The following NCAM2 variants were observed in gnomAD, a reference collection of about 807,000 sequenced individuals.
The protein encoded by NCAM2 is neural cell adhesion molecule 2.
NCAM2 carries 30 observed loss-of-function variants against 98.1 expected under a neutral mutation model. That is an observed-to-expected ratio of 0.31 (90% confidence interval 0.23 to 0.41). The LOEUF (loss-of-function observed/expected upper bound fraction) is 0.41. NCAM2 is among the 10% of genes least tolerant of loss of function. NCAM2 has a pLI of 1.00. For missense variants in NCAM2, 867 were observed against 1,005.8 expected, an observed-to-expected ratio of 0.86 and a Z score of 1.87; for synonymous variants, 368 against 342.4, an observed-to-expected ratio of 1.07 and a Z score of -0.83.
Position 21,468,792 on chromosome 21 carries a change from C to T in NCAM2, c.1896+9C>T. On this transcript the variant is annotated intron_variant, in intron 14 of 17. Transcript: ENST00000400546. ...TTGTGAAATATAGAAGTGTAAGTAC[C>T]TTGTTTATTGTCATATCATGCTAGG... 6.2e-7 allele frequency: 1 copy of T among 1,606,504 alleles called. No homozygotes were observed. Among genetic ancestry groups the T allele is most frequent in the Non-Finnish European group, 8.5e-7 (1 of 1,175,464 alleles).
At chr21:21,347,656 G>T (rs192751308) in intron 8 of NCAM2, among the ~76,000 whole-genome samples, 1 of 151,898 alleles carries the variant, frequency 6.6e-6, no homozygotes, top group Non-Finnish European at 1.5e-5. Flanking sequence ...CATTCTACAA[G>T]GCCAGTATTA....
chr21:21,343,350 T>TACACACACACAC (rs1254922171), intron 8 of NCAM2, among the ~76,000 whole-genome samples: 3 of 78,146 alleles, frequency 3.8e-5, no homozygotes, highest in East Asian at 4.0e-4. Flanking sequence ...AACAACTATC[T>TACACACACACAC]ATACACATAC....
intron 1 of NCAM2, among the ~76,000 whole-genome samples, chr21:21,182,223 T>C (rs540336295): frequency 4.6e-5 from 7 of 152,242 alleles, no homozygotes; most frequent in African/African-American, 1.4e-4. Flanking sequence ...GATATAAACC[T>C]TCCCATGTTG....
At chr21:21,133,516 G>A (rs1413346865) in intron 1 of NCAM2, among the ~76,000 whole-genome samples, 1 of 152,136 alleles carries the variant, frequency 6.6e-6, no homozygotes, top group Non-Finnish European at 1.5e-5. Context: ...AGTACCAAAT[G>A]GGAAAAGACC....
intron 9 of NCAM2, among the ~76,000 whole-genome samples, chr21:21,380,616 C>G (rs1002754678): frequency 3.3e-5 from 5 of 151,892 alleles, no homozygotes; most frequent in African/African-American, 1.2e-4. Context: ...TCATGGATTC[C>G]TTCCTTTCTC....
intron 12 of NCAM2, among the ~76,000 whole-genome samples, chr21:21,454,791 C>T (rs893381340): frequency 8.6e-5 from 13 of 151,944 alleles, no homozygotes; most frequent in African/African-American, 3.1e-4. Context: ...TTTTAAAAAA[C>T]CAGGGCTTTA....
intron 15 of NCAM2, among the ~76,000 whole-genome samples, chr21:21,504,003 TTAAA>T (rs1223328302): frequency 1.3e-5 from 2 of 151,964 alleles, no homozygotes; most frequent in Non-Finnish European, 2.9e-5. Flanking sequence ...TAAATAGTTG[TTAAA>T]TAGTTGTACC....
chr21:21,403,647 T>A (rs1201346694), intron 9 of NCAM2, among the ~76,000 whole-genome samples: 1 of 152,204 alleles, frequency 6.6e-6, no homozygotes, highest in East Asian at 1.9e-4. Flanking sequence ...ATCATTCTGA[T>A]TTGGAGGATT....
chr21:21,382,782 G>T (rs1375900339), intron 9 of NCAM2, among the ~76,000 whole-genome samples: 1 of 151,606 alleles, frequency 6.6e-6, no homozygotes. Context: ...TGTCTGTCTC[G>T]GCCTCCCAAA....
At chr21:21,127,481 T>C (rs150300810) in intron 1 of NCAM2, among the ~76,000 whole-genome samples, 60 of 152,254 alleles carry the variant, frequency 3.9e-4, no homozygotes, top group African/African-American at 1.4e-3. Flanking sequence ...TCTTCTCTTC[T>C]AGCTGTTTTG....
intron 1 of NCAM2, among the ~76,000 whole-genome samples, chr21:21,235,012 A>G (rs2070763374): frequency 6.6e-6 from 1 of 152,078 alleles, no homozygotes; most frequent in Non-Finnish European, 1.5e-5. Flanking sequence ...AAAGTGAAAC[A>G]TCGTAGCAAA....
intron 1 of NCAM2, among the ~76,000 whole-genome samples, chr21:21,252,805 C>A (rs2071522819): frequency 6.6e-6 from 1 of 152,128 alleles, no homozygotes; most frequent in Non-Finnish European, 1.5e-5. Context: ...TACTCTCCCT[C>A]CCCTGATTTC....
chr21:21,479,811 T>A (rs1393218132), intron 15 of NCAM2, among the ~76,000 whole-genome samples: 1 of 151,894 alleles, frequency 6.6e-6, no homozygotes, highest in Admixed American at 6.6e-5. Flanking sequence ...ATGGATAGAA[T>A]TCTGGTTTAT....
intron 17 of NCAM2, among the ~76,000 whole-genome samples, chr21:21,537,171 T>G (rs1443997416): frequency 6.6e-6 from 1 of 152,032 alleles, no homozygotes; most frequent in Non-Finnish European, 1.5e-5. Context: ...TGATCTCAGC[T>G]CACTGCAATC....
intron 16 of NCAM2, among the ~76,000 whole-genome samples, chr21:21,532,579 G>A (rs1006561901): frequency 3.9e-5 from 6 of 152,014 alleles, no homozygotes; most frequent in African/African-American, 1.4e-4. Context: ...GAATTCACTA[G>A]TTCTGTCTTC....
At chr21:21,187,181 G>C (rs765610799) in intron 1 of NCAM2, among the ~76,000 whole-genome samples, 1 of 151,774 alleles carries the variant, frequency 6.6e-6, no homozygotes, top group African/African-American at 2.4e-5. Flanking sequence ...CCAAGATAGC[G>C]TCACTGCACT....
At chr21:21,224,387 A>T (rs1229699086) in intron 1 of NCAM2, among the ~76,000 whole-genome samples, 1 of 152,174 alleles carries the variant, frequency 6.6e-6, no homozygotes, top group Non-Finnish European at 1.5e-5. Flanking sequence ...ACCCAGGTAG[A>T]ATATAAACAA....
In NCAM2 at chr21:21,514,171, T is replaced by A. The variant is rs972187288; in HGVS notation, c.2282+5116T>A. On this transcript the variant is annotated intron_variant, in intron 16 of 17. Transcript: ENST00000400546. Reference sequence around the variant, plus strand: ...ATATTTATAATAAAATATTTACATATGAAATATAATTTTACATATAACCTC... The same window carrying A: ...ATATTTATAATAAAATATTTACATAAGAAATATAATTTTACATATAACCTC... 2.6e-5 allele frequency among the ~76,000 whole-genome samples: 4 copies of A among 151,088 alleles called. No homozygotes were observed. The East Asian group carries it at 7.7e-4, about 29-fold the overall frequency.
intron 9 of NCAM2, among the ~76,000 whole-genome samples, chr21:21,384,812 A>C (rs1003289590): frequency 5.3e-5 from 8 of 152,094 alleles, no homozygotes; most frequent in African/African-American, 1.9e-4. Context: ...CTTAATATTA[A>C]TTTCATTAGT....
Sources: allele counts gnomAD v4.1 joint callset (sites outside exome capture counted in the v4.1 genomes callset), GRCh38; gene constraint gnomAD v4.1.1; transcripts MANE v1.5; gene names NCBI Gene and HGNC (gene_info 2026-07-23, HGNC 2026-07-21).